Variants in NR2C2 observed in about 807,000 individuals in gnomAD.
The protein encoded by NR2C2 is nuclear receptor subfamily 2 group C member 2.
NR2C2 carries 6 observed loss-of-function variants against 62.9 expected under a neutral mutation model. That is an observed-to-expected ratio of 0.10 (90% confidence interval 0.05 to 0.19). The LOEUF is 0.19. NR2C2 is among the 10% of genes least tolerant of loss of function. The pLI is 1.00. For missense variants in NR2C2, 479 were observed against 762.7 expected, an observed-to-expected ratio of 0.63 and a Z score of 4.38; for synonymous variants, 272 against 273.8, an observed-to-expected ratio of 0.99 and a Z score of 0.07.
intron 1 of NR2C2, among the ~76,000 whole-genome samples, chr3:14,989,735 C>A (rs1343297090): frequency 6.6e-6 from 1 of 151,678 alleles, no homozygotes; most frequent in Non-Finnish European, 1.5e-5. Flanking sequence ...GAGCTTGAGA[C>A]CAGCCTGGCC....
chr3:14,957,251 A>G (rs1176555241), intron 1 of NR2C2, among the ~76,000 whole-genome samples: 2 of 151,840 alleles, frequency 1.3e-5, no homozygotes, highest in East Asian at 3.9e-4. Context: ...AGGCAGCCTC[A>G]CTCATTCCTA....
intron 1 of NR2C2, among the ~76,000 whole-genome samples, chr3:14,957,488 T>C (rs56148869): frequency 0.062 from 9,430 of 152,260 alleles, 1,007 homozygotes; most frequent in African/African-American, 0.21. Flanking sequence ...TGGGGTGATA[T>C]TGATCCACTT....
At chr3:14,957,830 G>T (rs1270763431) in intron 1 of NR2C2, among the ~76,000 whole-genome samples, 1 of 151,378 alleles carries the variant, frequency 6.6e-6, no homozygotes, top group Non-Finnish European at 1.5e-5. Context: ...ATCCAGATTT[G>T]AGTGCATCAT....
intron 1 of NR2C2, among the ~76,000 whole-genome samples, chr3:14,951,173 C>G (rs2039345908): frequency 1.3e-5 from 2 of 152,208 alleles, no homozygotes; most frequent in Admixed American, 1.3e-4. Context: ...TGATTTTTGT[C>G]TCACCATCAC....
intron 1 of NR2C2, among the ~76,000 whole-genome samples, chr3:14,971,810 CTT>C (rs533448715): frequency 1.6e-4 from 21 of 135,406 alleles, no homozygotes; most frequent in Non-Finnish European, 1.7e-4. Flanking sequence ...TTTCTTTTTT[CTT>C]TTTTTTTTTT....
chr3:14,986,627 TCTGAGGTATAC>T (rs947327240), intron 1 of NR2C2, among the ~76,000 whole-genome samples: 6 of 152,230 alleles, frequency 3.9e-5, no homozygotes, highest in Admixed American at 3.9e-4. Context: ...GAAATCTGTG[TCTGAGGTATAC>T]CTTTAGTGTC....
chr3:15,001,193 A>G (rs1289394134), intron 1 of NR2C2, among the ~76,000 whole-genome samples: 1 of 151,326 alleles, frequency 6.6e-6, no homozygotes, highest in African/African-American at 2.4e-5. Context: ...TGTTAAATTT[A>G]TTTTATTTCT....
intron 1 of NR2C2, among the ~76,000 whole-genome samples, chr3:14,983,950 G>C (rs182431021): frequency 5.9e-5 from 9 of 152,002 alleles, no homozygotes; most frequent in African/African-American, 2.2e-4. Flanking sequence ...GTGCAATGGC[G>C]CGATCTTGGC....
chr3:14,984,584 C>G (rs1275763657), intron 1 of NR2C2, among the ~76,000 whole-genome samples: 21 of 152,138 alleles, frequency 1.4e-4, no homozygotes, highest in Non-Finnish European at 2.6e-4. Flanking sequence ...TTGCTTCTTT[C>G]ATTTAGCGAA....
At position 15,002,645 on chromosome 3, in the gene NR2C2, C is replaced by CTTTTTTTT. The variant is rs371981775; in HGVS notation, c.-39-1208_-39-1201dup. 3.5e-4 allele frequency among the ~76,000 whole-genome samples: 14 copies of CTTTTTTTT among 39,510 alleles called. 4 individuals carry two copies. Among genetic ancestry groups the CTTTTTTTT allele is most frequent in the African/African-American group, 1.0e-3 (12 of 11,634 alleles). The allele number at this position is 39,510 out of a possible 152,430, so 25.9% of individuals were successfully genotyped here. On this transcript the variant is annotated intron_variant, in intron 1 of 13. Transcript: ENST00000425241. ...TTTTTTGTGAAGTGTTCACAATATA[C>CTTTTTTTT]TTTTTTTTTTTTTTTTTTTTTTTTT... is the stretch of plus-strand genomic sequence containing the variant.
At chr3:14,997,907 T>C (rs2040878211) in intron 1 of NR2C2, among the ~76,000 whole-genome samples, 1 of 152,196 alleles carries the variant, frequency 6.6e-6, no homozygotes, top group Non-Finnish European at 1.5e-5. Context: ...GTTTTTATCA[T>C]GCCCCCACTA....
intron 2 of NR2C2, among the ~76,000 whole-genome samples, chr3:15,012,624 C>T (rs1160110474): frequency 6.6e-6 from 1 of 152,112 alleles, no homozygotes; most frequent in Non-Finnish European, 1.5e-5. Flanking sequence ...AGCATGTTTC[C>T]CCTCACCCAA....
intron 1 of NR2C2, among the ~76,000 whole-genome samples, chr3:14,953,911 A>AG (rs1379864350): frequency 1.3e-5 from 2 of 151,720 alleles, no homozygotes; most frequent in East Asian, 1.9e-4. Flanking sequence ...AAAAAAAAAA[A>AG]CAACTGAGGC....
At chr3:15,042,300 G>A (rs956129999) in intron 13 of NR2C2, among the ~76,000 whole-genome samples, 1 of 152,174 alleles carries the variant, frequency 6.6e-6, no homozygotes, top group Non-Finnish European at 1.5e-5. Flanking sequence ...GGAAATTAGA[G>A]CAGTACAAAA....
At chr3:15,016,601 C>T (rs2041517757) in intron 4 of NR2C2, among the ~76,000 whole-genome samples, 1 of 152,228 alleles carries the variant, frequency 6.6e-6, no homozygotes, top group African/African-American at 2.4e-5. Flanking sequence ...AATCCCCCTT[C>T]ATCCTAACTG....
chr3:14,966,612 G>A lies in NR2C2; in HGVS notation c.-40+18706G>A, dbSNP rs931646839. Among the ~76,000 whole-genome samples, 9 of 152,144 alleles carry A rather than the reference G, an allele frequency of 5.9e-5. No individual in the cohort carries two copies. In the East Asian group the frequency reaches 7.7e-4, roughly 13 times the overall value. The stretch of plus-strand genomic sequence containing the variant: ...CTAAAATAAGTCTTTTTAGAAATGA[G>A]CTTTAGTAAGTGCCATGCATTTTTG... On this transcript the variant is annotated intron_variant, in intron 1 of 13. Coordinates refer to ENST00000425241, the MANE Select transcript of NR2C2 (RefSeq NM_001291694.2).
intron 1 of NR2C2, among the ~76,000 whole-genome samples, chr3:14,987,797 G>A (rs1265656518): frequency 6.6e-6 from 1 of 152,192 alleles, no homozygotes; most frequent in Non-Finnish European, 1.5e-5. Flanking sequence ...TTTATTGAAT[G>A]AATAAATCTT....
chr3:14,954,134 A>G (rs536364342), intron 1 of NR2C2, among the ~76,000 whole-genome samples: 3 of 152,182 alleles, frequency 2.0e-5, no homozygotes, highest in South Asian at 2.1e-4. Flanking sequence ...TAACCCTGGA[A>G]TTGAAAAATC....
intron 3 of NR2C2, among the ~76,000 whole-genome samples, chr3:15,015,068 T>A (rs1415574465): frequency 6.6e-6 from 1 of 152,226 alleles, no homozygotes; most frequent in Non-Finnish European, 1.5e-5. Flanking sequence ...TACTAAATGC[T>A]GTCTCATCCT....
Sources: gnomAD v4.1 joint callset for allele counts (sites outside exome capture counted in the v4.1 genomes callset) on GRCh38, gnomAD v4.1.1 for gene constraint, MANE v1.5 for transcripts, NCBI Gene and HGNC (gene_info 2026-07-23, HGNC 2026-07-21) for gene names.